DPP6: variants seen among roughly 807,000 people sequenced by gnomAD.
DPP6 encodes the protein A-type potassium channel modulatory protein DPP6.
A neutral mutation model predicts 122.6 loss-of-function variants in DPP6; 69 were observed. The ratio of observed to expected loss-of-function variants is 0.56; its 90% confidence interval spans 0.46 to 0.69. DPP6 has a LOEUF of 0.69. DPP6 is among the 30% of genes least tolerant of loss of function. The pLI is 0.00. For synonymous variants in DPP6, 418 were observed against 433.1 expected, an observed-to-expected ratio of 0.97 and a Z score of 0.43; for missense variants, 928 against 1,116.9, an observed-to-expected ratio of 0.83 and a Z score of 2.41.
chr7:154,249,383 C>T (rs564666074), intron 1 of DPP6, among the ~76,000 whole-genome samples: 2 of 152,260 alleles, frequency 1.3e-5, no homozygotes, highest in African/African-American at 2.4e-5. Flanking sequence ...TTAATTAACC[C>T]GGAGAAACTA....
chr7:154,312,437 TA>T (rs11349614), intron 1 of DPP6, among the ~76,000 whole-genome samples: 30,128 of 152,136 alleles, frequency 0.2, 4,148 homozygotes, highest in African/African-American at 0.39. Flanking sequence ...ACAATGTATG[TA>T]ATTATTCCTT....
chr7:154,572,665 C>T (rs556106414), intron 5 of DPP6, among the ~76,000 whole-genome samples: 9 of 148,126 alleles, frequency 6.1e-5, no homozygotes, highest in South Asian at 2.2e-4. Flanking sequence ...TACAGGCACC[C>T]GCCACCACAC....
rs185544470 is a variant in DPP6 at position 153,976,934 on chromosome 7, T to G, written c.51+89200T>G. ...AGCCTTGCCACGCGGCTCTGTGGCC[T>G]GGGACCTCAGGGTCGGGGTGAGCCG... is the stretch of plus-strand genomic sequence containing the variant. On this transcript the variant is annotated intron_variant, in intron 1 of 25. Transcript: ENST00000404039. 4.2e-3 allele frequency among the ~76,000 whole-genome samples: 636 copies of G among 152,320 alleles called. 1 individual carries two copies. The highest frequency in any genetic ancestry group is 7.1e-3 in the Non-Finnish European group (486 of 68,028).
At chr7:154,494,266 G>C (rs759571158) in intron 3 of DPP6, among the ~76,000 whole-genome samples, 1 of 151,912 alleles carries the variant, frequency 6.6e-6, no homozygotes, top group African/African-American at 2.4e-5. Flanking sequence ...TGAGGCAGGA[G>C]GATCACTTGA....
intron 6 of DPP6, among the ~76,000 whole-genome samples, chr7:154,652,419 T>G (rs1836935724): frequency 8.4e-6 from 1 of 118,962 alleles, no homozygotes; most frequent in African/African-American, 3.1e-5. Context: ...TTTTTTTTTT[T>G]TGTGATCAAT....
intron 16 of DPP6, among the ~76,000 whole-genome samples, chr7:154,847,460 T>C (rs1368357771): frequency 4.6e-5 from 7 of 152,196 alleles, no homozygotes; most frequent in Non-Finnish European, 7.3e-5. Flanking sequence ...TTGTTTTTTT[T>C]TGTACTCAAC....
chr7:154,213,496 A>G (rs180789543), intron 1 of DPP6, among the ~76,000 whole-genome samples: 39 of 152,258 alleles, frequency 2.6e-4, no homozygotes, highest in Middle Eastern at 3.4e-3. Flanking sequence ...AGAGTTCCCA[A>G]TGTAATGTGG....
chr7:154,412,948 A>G (rs1816735508), intron 1 of DPP6, among the ~76,000 whole-genome samples: 1 of 152,236 alleles, frequency 6.6e-6, no homozygotes, highest in Non-Finnish European at 1.5e-5. Context: ...CACCTTTCTT[A>G]GGGAAATACC....
intron 1 of DPP6, among the ~76,000 whole-genome samples, chr7:153,938,863 C>G (rs201349105): frequency 6.6e-6 from 1 of 152,174 alleles, no homozygotes; most frequent in Non-Finnish European, 1.5e-5. Flanking sequence ...CCGGCTGAGT[C>G]TCATCAGTGT....
At chr7:154,398,172 C>T (rs1815253250) in intron 1 of DPP6, among the ~76,000 whole-genome samples, 1 of 152,124 alleles carries the variant, frequency 6.6e-6, no homozygotes, top group South Asian at 2.1e-4. Context: ...ATCTGTGAGG[C>T]ACAGGCAGTC....
chr7:153,829,372 T>G, the DPP6 span, among the ~76,000 whole-genome samples: 1 of 152,052 alleles, frequency 6.6e-6, no homozygotes, highest in Non-Finnish European at 1.5e-5. Flanking sequence ...CATGCCACCA[T>G]GCCTGGCTAA....
In DPP6 at chr7:154,828,785, G is replaced by A. The variant is rs138459682; in HGVS notation, c.1666+21673G>A. ...ACAAGGACCATCTTCCAGGTAAACA[G>A]GTTACACTTAGCTCAGCTTTAAGAT... On this transcript the variant is annotated intron_variant, in intron 16 of 25. Transcript: ENST00000377770. Among the ~76,000 whole-genome samples the A allele has an allele frequency of 4.7e-3, 715 of 152,318 alleles. 3 individuals are homozygous for A. The highest frequency in any genetic ancestry group is 7.0e-3 in the South Asian group (34 of 4,830).
chr7:154,596,519 A>G (rs1833102523), intron 5 of DPP6, among the ~76,000 whole-genome samples: 1 of 152,242 alleles, frequency 6.6e-6, no homozygotes, highest in African/African-American at 2.4e-5. Flanking sequence ...AGGTGTTAAG[A>G]CAATGGATAG....
At chr7:154,144,265 C>CTCATTTAT (rs1189394662) in intron 1 of DPP6, among the ~76,000 whole-genome samples, 1 of 151,358 alleles carries the variant, frequency 6.6e-6, no homozygotes, top group Non-Finnish European at 1.5e-5. Context: ...CATTAATTCA[C>CTCATTTAT]TCATTTATTC....
At chr7:154,533,892 G>A (rs1040066848) in intron 3 of DPP6, among the ~76,000 whole-genome samples, 1 of 152,022 alleles carries the variant, frequency 6.6e-6, no homozygotes, top group Admixed American at 6.6e-5. Context: ...CAGCTACTTG[G>A]GAGGCTGAGT....
chr7:154,267,170 A>C (rs1480304096), intron 1 of DPP6, among the ~76,000 whole-genome samples: 1 of 151,954 alleles, frequency 6.6e-6, no homozygotes, highest in Non-Finnish European at 1.5e-5. Flanking sequence ...AAACAATGCC[A>C]CTCTGCTCAC....
rs570595325 is a variant in DPP6, at chr7:154,655,675, G to A, written c.681-13685G>A. Among the ~76,000 whole-genome samples the A allele has an allele frequency of 1.6e-4, 25 of 152,326 alleles. No homozygotes were observed. In the South Asian group the frequency reaches 3.3e-3, roughly 20 times the overall value. Reference sequence around the variant, plus strand: ...GACATGCTGGAAAATCATTTGATGCGAGGAATTGGGGCTTAAGCCAAGTGT... The same window carrying A: ...GACATGCTGGAAAATCATTTGATGCAAGGAATTGGGGCTTAAGCCAAGTGT... On this transcript the variant is annotated intron_variant, in intron 6 of 25. Transcript: ENST00000377770.
chr7:153,794,859 G>A, the DPP6 span, among the ~76,000 whole-genome samples: 3 of 152,242 alleles, frequency 2.0e-5, no homozygotes, highest in South Asian at 4.2e-4. Flanking sequence ...TTTATCAGGG[G>A]TTTCCACGTT....
At chr7:154,592,730 C>T (rs894601029) in intron 5 of DPP6, among the ~76,000 whole-genome samples, 1 of 152,066 alleles carries the variant, frequency 6.6e-6, no homozygotes, top group African/African-American at 2.4e-5. Context: ...AGCAGGCCAG[C>T]GTGGCTACAG....
Sources: allele counts gnomAD v4.1 joint callset (sites outside exome capture counted in the v4.1 genomes callset), GRCh38; gene constraint gnomAD v4.1.1; transcripts MANE v1.5; gene names NCBI Gene and HGNC (gene_info 2026-07-23, HGNC 2026-07-21).